SCARB1: variants seen among roughly 807,000 people sequenced by gnomAD.
SCARB1 encodes the protein CD36 and LIMPII analogous 1.
A neutral mutation model predicts 57.2 loss-of-function variants in SCARB1; 30 were observed. That is an observed-to-expected ratio of 0.52 (90% CI 0.39 to 0.71). The LOEUF is 0.71. Ranked by LOEUF, SCARB1 falls within the 30% of genes least tolerant of loss-of-function variation. The probability of loss-of-function intolerance (pLI) is 0.00; values close to 1 mark genes in which losing one functional copy is unlikely to be tolerated. For synonymous variants in SCARB1, 249 were observed against 268.3 expected, an observed-to-expected ratio of 0.93 and a Z score of 0.70; for missense variants, 543 against 671.2, an observed-to-expected ratio of 0.81 and a Z score of 2.11.
At chr12:124,805,691 T>C (rs1950296921) in intron 7 of SCARB1, among the ~76,000 whole-genome samples, 1 of 150,620 alleles carries the variant, frequency 6.6e-6, no homozygotes, top group Non-Finnish European at 1.5e-5. Context: ...TCCACGTAGC[T>C]AGGACTACAG....
chr12:124,806,474 A>G (rs1487285706), intron 7 of SCARB1, among the ~76,000 whole-genome samples: 2 of 152,170 alleles, frequency 1.3e-5, no homozygotes. Flanking sequence ...GTTACGTAAC[A>G]CACAGACCCT....
At chr12:124,843,273 C>T (rs1229735273) in intron 1 of SCARB1, among the ~76,000 whole-genome samples, 2 of 133,776 alleles carry the variant, frequency 1.5e-5, no homozygotes, top group African/African-American at 5.7e-5. Flanking sequence ...GTTTTTGTTT[C>T]TTACTTTCTG....
chr12:124,799,468 A>C (rs887716389), intron 8 of SCARB1, among the ~76,000 whole-genome samples: 8 of 152,126 alleles, frequency 5.3e-5, no homozygotes, highest in Non-Finnish European at 1.2e-4. Context: ...TCGAAGCTGC[A>C]GTGAGCCATG....
chr12:124,855,458 C>T lies in SCARB1; in HGVS notation c.126+8137G>A, dbSNP rs192611564. ...CCCTTTAAGGCTTCAAAGTCAAGAACGCAGCTTTTTGTGTTGTTTTTGTTT... is the reference window on the plus strand; with the variant it reads ...CCCTTTAAGGCTTCAAAGTCAAGAATGCAGCTTTTTGTGTTGTTTTTGTTT... On this transcript the variant is annotated intron_variant, in intron 1 of 12. Transcript: ENST00000261693. Among the ~76,000 whole-genome samples the T allele has an allele frequency of 1.2e-3, 181 of 152,264 alleles. 1 individual carries two copies. The highest frequency in any genetic ancestry group is 3.9e-3 in the African/African-American group (162 of 41,546).
intron 9 of SCARB1, among the ~76,000 whole-genome samples, chr12:124,793,808 G>A (rs1035604024): frequency 3.3e-5 from 5 of 151,970 alleles, no homozygotes; most frequent in African/African-American, 9.7e-5. Flanking sequence ...TCCACCCCTC[G>A]GTACATACCT....
chr12:124,787,524 T>G lies in SCARB1; in HGVS notation c.1203-67A>C, dbSNP rs1037602094. 14 of 1,373,544 alleles carry G rather than the reference T, an allele frequency of 1.0e-5. No homozygotes were observed. The Admixed American group carries it at 1.6e-4, about 16-fold the overall frequency. The allele number at this position is 1,373,544 out of a possible 1,614,324, so 85.1% of individuals were successfully genotyped here. ...CACCCAAACTTGATCTAATTCTGCT[T>G]GAATACAACATCTAAACAGGTTTAG... On this transcript the variant is annotated intron_variant, in intron 9 of 12. Transcript: ENST00000261693.
intron 1 of SCARB1, among the ~76,000 whole-genome samples, chr12:124,837,568 G>T (rs1300259919): frequency 3.9e-5 from 3 of 76,716 alleles, no homozygotes; most frequent in African/African-American, 1.0e-4. Context: ...GAAAAGAAAA[G>T]AAAAGAAAAG....
At chr12:124,853,308 C>T (rs553163719) in intron 1 of SCARB1, among the ~76,000 whole-genome samples, 88 of 150,896 alleles carry the variant, frequency 5.8e-4, no homozygotes, top group South Asian at 1.7e-3. Flanking sequence ...GCAGGGCCCA[C>T]GAAAATGAGG....
In SCARB1 at chr12:124,819,543, CT is replaced by C. The variant is rs200552758; in HGVS notation, c.127-1837del. ...CCCCAGTGTCACAGGGAGGTCCCCC[CT>C]AGTCCACCTGACCCCCACCCTCAAC... is the stretch of plus-strand genomic sequence containing the variant. On this transcript the variant is annotated intron_variant, in intron 1 of 12. Transcript: ENST00000261693. 0.03 allele frequency among the ~76,000 whole-genome samples: 4,524 copies of C among 152,288 alleles called. 550 individuals carry two copies. In the East Asian group the frequency reaches 0.4, roughly 14 times the overall value.
chr12:124,795,613 C>T (rs1318404131), intron 8 of SCARB1, among the ~76,000 whole-genome samples: 5 of 152,196 alleles, frequency 3.3e-5, no homozygotes, highest in South Asian at 4.1e-4. Context: ...CCTAAGACAG[C>T]GTTTCCCAAA....
At chr12:124,816,953 G>A (rs930180597) in intron 2 of SCARB1, among the ~76,000 whole-genome samples, 24 of 151,890 alleles carry the variant, frequency 1.6e-4, no homozygotes, top group African/African-American at 5.3e-4. Context: ...ACCCCTTCCC[G>A]TGCTGACCCA....
At position 124,800,348 on chromosome 12, in the gene SCARB1, C is replaced by T. The variant is rs1950087078; in HGVS notation, c.1010-106G>A. On this transcript the variant is annotated intron_variant, in intron 7 of 12. Coordinates refer to ENST00000261693, the MANE Select transcript of SCARB1 (RefSeq NM_005505.5). The surrounding 1 kb of genome is among the most constrained non-coding windows in gnomAD (Gnocchi z 4.8). ...TGTGGTCTGCAGGGCACCCCCGTGG[C>T]GATGACAAGATAACCAGACAGAGAG... 3 of 794,856 alleles carry T rather than the reference C, an allele frequency of 3.8e-6. No individual in the cohort carries two copies. Among genetic ancestry groups the T allele is most frequent in the South Asian group, 1.6e-5 (1 of 63,166 alleles). The allele number at this position is 794,856 out of a possible 1,614,324, so 49.2% of individuals were successfully genotyped here.
At chr12:124,828,575 C>T (rs1201463117) in intron 1 of SCARB1, among the ~76,000 whole-genome samples, 1 of 152,174 alleles carries the variant, frequency 6.6e-6, no homozygotes, top group African/African-American at 2.4e-5. Context: ...CCTACTTCAC[C>T]TCTTAAATTC....
chr12:124,843,300 G>A (rs1213570064), intron 1 of SCARB1, among the ~76,000 whole-genome samples: 1 of 64,518 alleles, frequency 1.5e-5, no homozygotes, highest in Admixed American at 1.6e-4. Context: ...TGGGGGGGGG[G>A]GTCTTACTAT....
rs1202547660 is a variant in SCARB1 at position 124,812,522 on chromosome 12, C to A, written c.631-557G>T. Among the ~76,000 whole-genome samples, 2 of 152,198 alleles carry A rather than the reference C, an allele frequency of 1.3e-5. No individual in the cohort carries two copies. The highest frequency in any genetic ancestry group is 6.5e-5 in the Admixed American group (1 of 15,284). On this transcript the variant is annotated intron_variant, in intron 4 of 12. Transcript: ENST00000261693. This position sits in a 1 kb window ranked among gnomAD's most constrained non-coding sequence, Gnocchi z 4.3. ...GGAATAAGTCTTGGTTGTTCTAAGC[C>A]ATGGAGATTCCGGGGCTGCTTGTCA...
chr12:124,791,690 C>T (rs893700323), intron 9 of SCARB1, among the ~76,000 whole-genome samples: 1 of 152,176 alleles, frequency 6.6e-6, no homozygotes, highest in African/African-American at 2.4e-5. Context: ...GGCGCAGTGG[C>T]TCACGCCTGT....
Position 124,800,042 on chromosome 12 carries a change from C to G in SCARB1, c.1128+82G>C, listed in dbSNP as rs1175467028. 2 of 1,076,928 alleles carry G rather than the reference C, an allele frequency of 1.9e-6. No homozygotes were observed. The highest frequency in any genetic ancestry group is 1.7e-5 in the Admixed American group (1 of 59,158). 66.7% of individuals were successfully genotyped at this position (1,076,928 alleles called of 1,614,324 possible). On this transcript the variant is annotated intron_variant, in intron 8 of 12. Transcript: ENST00000261693. This position sits in a 1 kb window ranked among gnomAD's most constrained non-coding sequence, Gnocchi z 4.8. ...CCCACCACCCCAGCCCACAGCAGCT[C>G]TCTGCCTGGGGAGAGAGGAGGCAGC...
At chr12:124,842,682 GT>G (rs1177443899) in intron 1 of SCARB1, among the ~76,000 whole-genome samples, 1 of 152,210 alleles carries the variant, frequency 6.6e-6, no homozygotes, top group African/African-American at 2.4e-5. Flanking sequence ...GCACAGCAAG[GT>G]CTTACTGGAA....
At chr12:124,809,141 C>T (rs996831724) in intron 6 of SCARB1, among the ~76,000 whole-genome samples, 1 of 152,034 alleles carries the variant, frequency 6.6e-6, no homozygotes, top group African/African-American at 2.4e-5. Flanking sequence ...AGGGGGCATA[C>T]AGCCTCCAAC....
Sources: gnomAD v4.1 joint callset for allele counts (sites outside exome capture counted in the v4.1 genomes callset) on GRCh38, gnomAD v4.1.1 for gene constraint, Gnocchi (gnomAD v3.1) non-coding constraint, MANE v1.5 for transcripts, NCBI Gene and HGNC (gene_info 2026-07-23, HGNC 2026-07-21) for gene names.